SNTG1: variants seen among roughly 807,000 people sequenced by gnomAD.
The protein encoded by SNTG1 is gamma-1-syntrophin.
Under a neutral mutation model 74.7 loss-of-function variants are expected in SNTG1, and 39 were observed. The observed-to-expected ratio is 0.52, with a 90% CI of 0.40 to 0.68. The LOEUF (loss-of-function observed/expected upper bound fraction) is 0.68. Ranked by LOEUF, SNTG1 falls within the 30% of genes least tolerant of loss-of-function variation. The pLI is 0.00. For missense variants in SNTG1, 685 were observed against 609.5 expected (o/e 1.12, Z -1.30); for synonymous variants, 254 against 217.1 (o/e 1.17, Z -1.49).
intron 1 of SNTG1, among the ~76,000 whole-genome samples, chr8:49,999,203 T>A (rs1814521720): frequency 6.6e-6 from 1 of 152,170 alleles, no homozygotes; most frequent in Non-Finnish European, 1.5e-5. Flanking sequence ...TAATACTTGA[T>A]TTTTCCTCTC....
chr8:50,507,530 G>A (rs1280775047), intron 9 of SNTG1, among the ~76,000 whole-genome samples: 1 of 151,718 alleles, frequency 6.6e-6, no homozygotes, highest in Non-Finnish European at 1.5e-5. Context: ...TGTATTTTTT[G>A]TTTCTTCATA....
chr8:50,508,584 G>T (rs2129861508), intron 9 of SNTG1, among the ~76,000 whole-genome samples: 1 of 152,268 alleles, frequency 6.6e-6, no homozygotes, highest in East Asian at 1.9e-4. Flanking sequence ...AGCACCTGTT[G>T]TTTCCTGACT....
chr8:50,306,679 C>T (rs1289514472), intron 2 of SNTG1, among the ~76,000 whole-genome samples: 1 of 151,684 alleles, frequency 6.6e-6, no homozygotes, highest in Admixed American at 6.6e-5. Context: ...TGTTTGTTAG[C>T]CATTTTTATA....
intron 1 of SNTG1, among the ~76,000 whole-genome samples, chr8:50,087,468 A>G (rs1823002332): frequency 6.6e-6 from 1 of 152,182 alleles, no homozygotes; most frequent in Non-Finnish European, 1.5e-5. Flanking sequence ...CACAGTGTCA[A>G]AATCATGCTA....
intron 1 of SNTG1, among the ~76,000 whole-genome samples, chr8:49,970,945 G>A (rs1446675700): frequency 6.6e-6 from 1 of 152,200 alleles, no homozygotes; most frequent in African/African-American, 2.4e-5. Flanking sequence ...CAGGTACAAG[G>A]AGGAGCTGGT....
intron 17 of SNTG1, among the ~76,000 whole-genome samples, chr8:50,737,682 C>T (rs2095532350): frequency 2.0e-5 from 3 of 152,100 alleles, no homozygotes; most frequent in Non-Finnish European, 4.4e-5. Context: ...CAAACGAAAT[C>T]CAGCAGCACA....
At chr8:50,519,015 A>T in intron 9 of SNTG1, among the ~76,000 whole-genome samples, 1 of 152,214 alleles carries the variant, frequency 6.6e-6, no homozygotes, top group Non-Finnish European at 1.5e-5. Flanking sequence ...AGAAAATTGC[A>T]GGCCAATATC....
intron 15 of SNTG1, among the ~76,000 whole-genome samples, chr8:50,660,938 A>G (rs148137998): frequency 6.6e-6 from 1 of 152,284 alleles, no homozygotes; most frequent in East Asian, 1.9e-4. Flanking sequence ...CCTTAAAAAC[A>G]CTGATAACTT....
chr8:50,510,254 A>T lies in SNTG1; in HGVS notation c.466+7374A>T, dbSNP rs556826078. Among the ~76,000 whole-genome samples, 3 of 152,312 alleles carry T rather than the reference A, an allele frequency of 2.0e-5. No individual in the cohort carries two copies. The East Asian group carries it at 5.8e-4, about 29-fold the overall frequency. On this transcript the variant is annotated intron_variant, in intron 9 of 18. Coordinates refer to ENST00000642720, the MANE Select transcript of SNTG1 (RefSeq NM_018967.5). ...ATATGTTGAGCCAGCCTTGCATCCC[A>T]GGGATGAAGCCCACTTGATCATGTT... is the stretch of plus-strand genomic sequence containing the variant.
At chr8:49,963,598 C>T (rs531949749) in intron 1 of SNTG1, among the ~76,000 whole-genome samples, 51 of 152,216 alleles carry the variant, frequency 3.4e-4, no homozygotes, top group African/African-American at 1.2e-3. Flanking sequence ...GCAAGCATTG[C>T]CCCTATATCT....
intron 1 of SNTG1, among the ~76,000 whole-genome samples, chr8:50,036,276 A>G (rs2130787036): frequency 6.6e-6 from 1 of 152,360 alleles, no homozygotes; most frequent in African/African-American, 2.4e-5. Context: ...AATGACAACT[A>G]TGACGTCTCT....
chr8:50,158,046 A>G (rs1222989284), intron 1 of SNTG1, among the ~76,000 whole-genome samples: 1 of 152,082 alleles, frequency 6.6e-6, no homozygotes, highest in Non-Finnish European at 1.5e-5. Flanking sequence ...CACTCTCCCA[A>G]GTGACATTGT....
intron 17 of SNTG1, among the ~76,000 whole-genome samples, chr8:50,735,731 A>G (rs901036488): frequency 3.9e-5 from 6 of 152,072 alleles, no homozygotes; most frequent in Non-Finnish European, 8.8e-5. Flanking sequence ...TCCCCAACCT[A>G]GCAAGATAGG....
chr8:50,765,168 A>G (rs941244888), intron 18 of SNTG1, among the ~76,000 whole-genome samples: 2 of 152,022 alleles, frequency 1.3e-5, no homozygotes, highest in African/African-American at 4.8e-5. Context: ...AAGAGATGAT[A>G]AGTATCTGAG....
intron 17 of SNTG1, among the ~76,000 whole-genome samples, chr8:50,719,876 T>G (rs1338645391): frequency 6.6e-6 from 1 of 152,230 alleles, no homozygotes. Context: ...TTCTCCTTAA[T>G]AGATTTCAAA....
At chr8:50,279,756 G>T (rs2088329510) in intron 2 of SNTG1, among the ~76,000 whole-genome samples, 1 of 151,022 alleles carries the variant, frequency 6.6e-6, no homozygotes, top group African/African-American at 2.4e-5. Flanking sequence ...CTTTGACTTT[G>T]GGATTAAGTA....
At chr8:50,139,983 C>G (rs757354409) in intron 1 of SNTG1, among the ~76,000 whole-genome samples, 2 of 152,190 alleles carry the variant, frequency 1.3e-5, no homozygotes, top group Admixed American at 6.5e-5. Flanking sequence ...CACTAGCGAG[C>G]TTTGTGTTTC....
At chr8:50,750,778 T>C (rs1385886736) in intron 17 of SNTG1, among the ~76,000 whole-genome samples, 2 of 152,032 alleles carry the variant, frequency 1.3e-5, no homozygotes, top group African/African-American at 2.4e-5. Flanking sequence ...GACTACAGTA[T>C]AGAAACAAAC....
At chr8:49,926,548 T>G (rs1250831450) in intron 1 of SNTG1, among the ~76,000 whole-genome samples, 1 of 152,006 alleles carries the variant, frequency 6.6e-6, no homozygotes, top group Non-Finnish European at 1.5e-5. Context: ...GCAAAGAAAA[T>G]GAGTCTAGAC....
Sources: gnomAD v4.1 joint callset for allele counts (sites outside exome capture counted in the v4.1 genomes callset) on GRCh38, gnomAD v4.1.1 for gene constraint, MANE v1.5 for transcripts, NCBI Gene and HGNC (gene_info 2026-07-23, HGNC 2026-07-21) for gene names.